BRINP1: variants seen among roughly 807,000 people sequenced by gnomAD.
BRINP1 encodes the protein BMP/retinoic acid inducible neural specific 1.
BRINP1 carries 17 observed loss-of-function variants against 72.9 expected under a neutral mutation model. That is an observed-to-expected ratio of 0.23 (90% confidence interval 0.16 to 0.35). The LOEUF is 0.35. Among genes scored for constraint, BRINP1 ranks in the 10% least tolerant of loss-of-function variants. The pLI is 1.00. For missense variants in BRINP1, 850 were observed against 1,001.6 expected (o/e 0.85, Z 2.04); for synonymous variants, 418 against 378.5 (o/e 1.10, Z -1.21).
chr9:119,225,549 T>A (rs1830081369), intron 5 of BRINP1, among the ~76,000 whole-genome samples: 1 of 152,072 alleles, frequency 6.6e-6, no homozygotes, highest in South Asian at 2.1e-4. Context: ...CTTTTTGTAC[T>A]TTTTATTGTT....
intron 1 of BRINP1, among the ~76,000 whole-genome samples, chr9:119,338,601 G>A (rs1436235280): frequency 6.7e-6 from 1 of 150,294 alleles, no homozygotes. Context: ...GGGCGGGCGC[G>A]GTGGCTCACG....
At chr9:119,233,734 C>T (rs545556319) in intron 5 of BRINP1, among the ~76,000 whole-genome samples, 18 of 152,178 alleles carry the variant, frequency 1.2e-4, no homozygotes, top group East Asian at 1.9e-4. Context: ...TATTACCAAC[C>T]GGATTTAAAA....
chr9:119,323,810 G>A (rs1335751788), intron 1 of BRINP1, among the ~76,000 whole-genome samples: 1 of 152,156 alleles, frequency 6.6e-6, no homozygotes, highest in Non-Finnish European at 1.5e-5. Flanking sequence ...GAGGAGGCAT[G>A]GTAAAATTGT....
chr9:119,170,362 A>G (rs1367389696), intron 7 of BRINP1, among the ~76,000 whole-genome samples: 1 of 151,544 alleles, frequency 6.6e-6, no homozygotes, highest in Non-Finnish European at 1.5e-5. Context: ...GATGCGATCA[A>G]CTGGAAGAAA....
intron 1 of BRINP1, among the ~76,000 whole-genome samples, chr9:119,334,340 G>A (rs770677237): frequency 3.9e-5 from 6 of 152,064 alleles, no homozygotes; most frequent in East Asian, 1.9e-4. Flanking sequence ...TCACAACACC[G>A]TGTTGTTGGC....
Position 119,167,641 on chromosome 9 carries a change from T to A in BRINP1, c.1729A>T (p.Met577Leu). The A allele has an allele frequency of 6.2e-7, 1 of 1,614,078 alleles. No individual in the cohort carries two copies. The highest frequency in any genetic ancestry group is 8.5e-7 in the Non-Finnish European group (1 of 1,180,038). Reference sequence around the variant, plus strand: ...GGGTAGCCAAATTCCCCGAAGGGCATGTTCCAGCCCTCCGAATGGCTCCCG... The same window carrying A: ...GGGTAGCCAAATTCCCCGAAGGGCAAGTTCCAGCCCTCCGAATGGCTCCCG... ...FSGSHSEGWN[M>L]PFGEFGYPRW... The change falls in exon 8 of 8, where the codon ATG becomes TTG. Residue 577 changes from methionine (M) to leucine (L), a missense_variant. Met to Leu is a conservative substitution (Grantham distance 15). Coordinates refer to ENST00000265922, the MANE Select transcript of BRINP1 (RefSeq NM_014618.3). The surrounding 1 kb of genome is among the most constrained non-coding windows in gnomAD (Gnocchi z 4.3).
At chr9:119,174,254 TCAAA>T (rs1829454616) in intron 7 of BRINP1, among the ~76,000 whole-genome samples, 1 of 149,870 alleles carries the variant, frequency 6.7e-6, no homozygotes, top group African/African-American at 2.5e-5. Flanking sequence ...TACAATGAAC[TCAAA>T]CAAATTTACA....
chr9:119,364,824 G>T (rs1384383441), intron 1 of BRINP1, among the ~76,000 whole-genome samples: 1 of 152,172 alleles, frequency 6.6e-6, no homozygotes, highest in Non-Finnish European at 1.5e-5. Flanking sequence ...TCCAGGTAGG[G>T]TCTAATTTTC....
intron 2 of BRINP1, among the ~76,000 whole-genome samples, chr9:119,306,549 C>G (rs1475405891): frequency 6.6e-6 from 1 of 152,122 alleles, no homozygotes; most frequent in African/African-American, 2.4e-5. Flanking sequence ...TTTGAGTCAA[C>G]AAGGAATGTT....
At chr9:119,327,902 C>T (rs1316336015) in intron 1 of BRINP1, among the ~76,000 whole-genome samples, 1 of 151,458 alleles carries the variant, frequency 6.6e-6, no homozygotes, top group East Asian at 1.9e-4. Flanking sequence ...GCTACAGAAT[C>T]CTTGAGAGAA....
chr9:119,186,902 T>C (rs573404692), intron 7 of BRINP1, among the ~76,000 whole-genome samples: 4 of 152,120 alleles, frequency 2.6e-5, no homozygotes, highest in African/African-American at 4.8e-5. Context: ...GAGTCACCAC[T>C]AAGCAGTACC....
At chr9:119,336,565 AGAGT>A (rs1199563647) in intron 1 of BRINP1, among the ~76,000 whole-genome samples, 1 of 152,096 alleles carries the variant, frequency 6.6e-6, no homozygotes, top group East Asian at 1.9e-4. Context: ...TGTGGGAGAG[AGAGT>A]GTGTGCTGGG....
chr9:119,338,246 C>T (rs377472842), intron 1 of BRINP1, among the ~76,000 whole-genome samples: 6 of 142,750 alleles, frequency 4.2e-5, no homozygotes, highest in African/African-American at 7.8e-5. Flanking sequence ...GTTTTTGTTT[C>T]TTTTTTTTTT....
intron 7 of BRINP1, among the ~76,000 whole-genome samples, chr9:119,194,871 T>A (rs1394913520): frequency 6.6e-6 from 1 of 152,072 alleles, no homozygotes; most frequent in Non-Finnish European, 1.5e-5. Flanking sequence ...ATACCTAAAC[T>A]CCTGACCCCT....
chr9:119,308,765 G>A (rs185572811), intron 2 of BRINP1, among the ~76,000 whole-genome samples: 1 of 152,248 alleles, frequency 6.6e-6, no homozygotes, highest in Admixed American at 6.5e-5. Context: ...AAAGGGAGAT[G>A]CAACGTAAGC....
At chr9:119,351,302 G>A (rs1471517411) in intron 1 of BRINP1, among the ~76,000 whole-genome samples, 1 of 152,134 alleles carries the variant, frequency 6.6e-6, no homozygotes, top group South Asian at 2.1e-4. Flanking sequence ...GCCCTGATAC[G>A]AAATGAAGAG....
intron 5 of BRINP1, among the ~76,000 whole-genome samples, chr9:119,235,886 C>G (rs1329926056): frequency 6.6e-6 from 1 of 152,154 alleles, no homozygotes; most frequent in Non-Finnish European, 1.5e-5. Flanking sequence ...AACATTTGCA[C>G]CAAATATAAT....
intron 2 of BRINP1, among the ~76,000 whole-genome samples, chr9:119,267,974 G>A (rs1830564913): frequency 1.3e-5 from 2 of 152,130 alleles, no homozygotes. Context: ...CAGGTGCAGT[G>A]GCTCATATCT....
chr9:119,276,540 A>G (rs2118957117), intron 2 of BRINP1, among the ~76,000 whole-genome samples: 1 of 152,346 alleles, frequency 6.6e-6, no homozygotes, highest in South Asian at 2.1e-4. Context: ...AGAAGGTTCT[A>G]TACTGTCCAT....
Sources: gnomAD v4.1 joint callset for allele counts (sites outside exome capture counted in the v4.1 genomes callset) on GRCh38, gnomAD v4.1.1 for gene constraint, Gnocchi (gnomAD v3.1) non-coding constraint, MANE v1.5 for transcripts, NCBI Gene and HGNC (gene_info 2026-07-23, HGNC 2026-07-21) for gene names.